Variants in MCTP2 observed in about 807,000 individuals in gnomAD.
The protein encoded by MCTP2 is multiple C2 and transmembrane domain-containing protein 2.
Under a neutral mutation model 111.6 loss-of-function variants are expected in MCTP2, and 132 were observed. The ratio of observed to expected loss-of-function variants is 1.18; its 90% CI spans 1.03 to 1.37. MCTP2 has a LOEUF of 1.37. MCTP2 is among the 40% of genes most tolerant of loss of function. The probability of loss-of-function intolerance (pLI) is 0.00; values close to 1 mark genes in which losing one functional copy is unlikely to be tolerated. For missense variants in MCTP2, 1,183 were observed against 1,067.9 expected (o/e 1.11, Z -1.50); for synonymous variants, 395 against 387.7 (o/e 1.02, Z -0.22).
rs1420841201 is a variant in MCTP2, at chr15:94,356,174, T to C, written c.1043T>C (p.Leu348Ser). Residue 348 changes from leucine (L) to serine (S), a missense_variant, in exon 9 of 23, where the codon TTG (leucine) becomes TCG (serine). Transcript: ENST00000357742. ...CGCAACCTACGGCTCTCTGAGTCCT[T>C]GAAAAAGAACCAACTCTGGAACGGG... Reference protein sequence around the residue: ...LIRNLRLSESLKKNQLWNGII... With the variant: ...LIRNLRLSESSKKNQLWNGII... 6.2e-7 allele frequency: 1 copy of C among 1,612,116 alleles called. No homozygotes were observed. Among genetic ancestry groups the C allele is most frequent in the Admixed American group, 1.7e-5 (1 of 59,828 alleles).
intron 20 of MCTP2, among the ~76,000 whole-genome samples, chr15:94,465,833 A>G (rs373488671): frequency 4.6e-5 from 7 of 152,262 alleles, no homozygotes; most frequent in African/African-American, 1.7e-4. Context: ...CTATTCTTTT[A>G]GTTGTCATCT....
chr15:94,360,988 G>A (rs140610837), intron 10 of MCTP2, among the ~76,000 whole-genome samples: 125 of 147,674 alleles, frequency 8.5e-4, no homozygotes, highest in Middle Eastern at 3.8e-3. Flanking sequence ...GTAAAATATC[G>A]ACTGCTTCTC....
chr15:94,315,534 G>T lies in MCTP2; in HGVS notation c.534G>T (p.Pro178=), dbSNP rs372217936. 7 of 1,612,164 alleles carry T rather than the reference G, an allele frequency of 4.3e-6. No individual in the cohort carries two copies. Among genetic ancestry groups the T allele is most frequent in the African/African-American group, 1.3e-5 (1 of 74,982 alleles). The change falls in exon 4 of 23, where the codon CCG becomes CCT. Residue 178 remains proline (P), a synonymous_variant. Transcript: ENST00000357742. ...TSQHFEEQSV[P]GEASDGLSNL... ...TGCCTTCTCCATCTGTGCAGGTACC[G>T]GGGGAAGCCAGTGATGGCTTGAGTA... is the stretch of plus-strand genomic sequence containing the variant.
At chr15:94,369,947 A>C in intron 11 of MCTP2, 140 bp from the exon 12 acceptor site, 2 of 498,596 alleles carry the variant, frequency 4.0e-6, no homozygotes, top group Non-Finnish European at 3.4e-6. Flanking sequence ...CTGTTATATA[A>C]TATATTTTTG....
chr15:94,279,413 A>C (rs889418700), intron 1 of MCTP2, among the ~76,000 whole-genome samples: 11 of 151,872 alleles, frequency 7.2e-5, no homozygotes, highest in Non-Finnish European at 1.2e-4. Context: ...TTTGGCACTC[A>C]ACTTATACAT....
At chr15:94,428,929 CA>C (rs961359612) in intron 17 of MCTP2, among the ~76,000 whole-genome samples, 6 of 150,654 alleles carry the variant, frequency 4.0e-5, no homozygotes, top group East Asian at 1.9e-4. Context: ...AGCATGGCTC[CA>C]AAAAAAAATA....
chr15:94,350,875 T>G (rs2078265153), intron 8 of MCTP2, among the ~76,000 whole-genome samples: 2 of 152,034 alleles, frequency 1.3e-5, no homozygotes, highest in Non-Finnish European at 2.9e-5. Context: ...TGTTGTTTTA[T>G]CTCTTCATTT....
intron 21 of MCTP2, among the ~76,000 whole-genome samples, chr15:94,474,808 A>G (rs1386545827): frequency 1.3e-5 from 2 of 152,086 alleles, no homozygotes; most frequent in African/African-American, 4.8e-5. Context: ...TTCATAAATA[A>G]GGTGTGCATT....
chr15:94,321,040 ATGTT>A (rs1173897050), intron 4 of MCTP2, among the ~76,000 whole-genome samples: 1 of 152,220 alleles, frequency 6.6e-6, no homozygotes, highest in Non-Finnish European at 1.5e-5. Flanking sequence ...GGGGGACAAA[ATGTT>A]AAGTAAAATA....
chr15:94,483,460 C>G lies in MCTP2; in HGVS notation c.*4426C>G, dbSNP rs1298065515. 6.6e-6 allele frequency: 1 copy of G among 152,106 alleles called. No homozygotes were observed. Among genetic ancestry groups the G allele is most frequent in the African/African-American group, 2.4e-5 (1 of 41,424 alleles). 9.4% of individuals were successfully genotyped at this position (152,106 alleles called of 1,614,324 possible). A position where few individuals can be genotyped will look rare whatever the true frequency, so the allele number is the denominator to read the frequency against. Reference sequence around the variant, plus strand: ...AAAGACACTGGATCAGTCTAAATGCCCATCATTGATAGAATGGATAAAGAA... The same window carrying G: ...AAAGACACTGGATCAGTCTAAATGCGCATCATTGATAGAATGGATAAAGAA... On this transcript the variant is annotated 3_prime_UTR_variant, in exon 23 of 23. Transcript: ENST00000357742.
At chr15:94,470,690 T>C (rs2073850543) in intron 21 of MCTP2, among the ~76,000 whole-genome samples, 2 of 152,218 alleles carry the variant, frequency 1.3e-5, no homozygotes, top group Admixed American at 1.3e-4. Flanking sequence ...TACATGCCAT[T>C]TCCCTTTGGG....
intron 1 of MCTP2, among the ~76,000 whole-genome samples, chr15:94,235,379 G>A (rs115470796): frequency 3.3e-5 from 5 of 152,124 alleles, no homozygotes; most frequent in East Asian, 1.9e-4. Flanking sequence ...CAGGCACCCC[G>A]CATTAGGAGC....
chr15:94,442,838 A>C lies in MCTP2; in HGVS notation c.2209-81A>C, dbSNP rs955921814. On this transcript the variant is annotated intron_variant, in intron 18 of 22. Coordinates refer to ENST00000357742, the MANE Select transcript of MCTP2 (RefSeq NM_001385001.1). ...TATAAATGCTTGAAGTCTGTAGGCA[A>C]GCTTTAAAATGTGTCTGAGTTTAAT... The C allele has an allele frequency of 6.8e-6, 8 of 1,169,556 alleles. No homozygotes were observed. In the Admixed American group the frequency reaches 1.4e-4, roughly 20 times the overall value. The allele number at this position is 1,169,556 out of a possible 1,614,324, so 72.4% of individuals were successfully genotyped here.
chr15:94,470,191 A>G (rs921400873), intron 20 of MCTP2, 142 bp from the exon 21 acceptor site: 53 of 608,766 alleles, frequency 8.7e-5, no homozygotes, highest in Non-Finnish European at 1.3e-4. Context: ...GCAGACTCTC[A>G]TCTTGAGGTT....
At chr15:94,321,217 A>C (rs1008211094) in intron 4 of MCTP2, among the ~76,000 whole-genome samples, 1 of 152,146 alleles carries the variant, frequency 6.6e-6, no homozygotes, top group African/African-American at 2.4e-5. Context: ...ATACAGTAGA[A>C]AGAATAAGTT....
At chr15:94,441,918 T>A (rs1242032814) in intron 18 of MCTP2, among the ~76,000 whole-genome samples, 2 of 152,202 alleles carry the variant, frequency 1.3e-5, no homozygotes, top group African/African-American at 2.4e-5. Context: ...CCACACAAAC[T>A]GCTAGCTGAA....
At chr15:94,323,759 G>GA (rs2076728618) in intron 4 of MCTP2, among the ~76,000 whole-genome samples, 1 of 152,186 alleles carries the variant, frequency 6.6e-6, no homozygotes, top group African/African-American at 2.4e-5. Flanking sequence ...CGCATAGGAA[G>GA]AATGGCCGCC....
chr15:94,339,268 TTGTTTTCTTTTC>T lies in MCTP2; in HGVS notation c.638-21_638-10del. 1 of 1,557,474 alleles carries T rather than the reference TTGTTTTCTTTTC, an allele frequency of 6.4e-7. No homozygotes were observed. Among genetic ancestry groups the T allele is most frequent in the Non-Finnish European group, 8.7e-7 (1 of 1,149,512 alleles). On this transcript the variant is annotated splice_polypyrimidine_tract_variant and intron_variant, in intron 4 of 22. Transcript: ENST00000357742. ...TTTACATGTATTTTAAAATTCTGTCTTGTTTTCTTTTCCTTTTAAAGGCACAAGTGATCCTTA... is the reference window on the plus strand; with the variant it reads ...TTTACATGTATTTTAAAATTCTGTCTCTTTTAAAGGCACAAGTGATCCTTA...
At chr15:94,475,057 G>T (rs1439596219) in intron 21 of MCTP2, among the ~76,000 whole-genome samples, 1 of 152,110 alleles carries the variant, frequency 6.6e-6, no homozygotes, top group African/African-American at 2.4e-5. Flanking sequence ...ATTAACAATA[G>T]AAGATATATC....
Sources: allele counts gnomAD v4.1 joint callset (sites outside exome capture counted in the v4.1 genomes callset), GRCh38; gene constraint gnomAD v4.1.1; transcripts MANE v1.5; gene names NCBI Gene and HGNC (gene_info 2026-07-23, HGNC 2026-07-21).